Variants in DKK2 observed in about 807,000 individuals in gnomAD.
DKK2 encodes dickkopf-related protein 2.
DKK2 carries 11 observed loss-of-function variants against 28.1 expected under a neutral mutation model. The ratio of observed to expected loss-of-function variants is 0.39; its 90% confidence interval spans 0.25 to 0.65. The LOEUF (loss-of-function observed/expected upper bound fraction) is 0.65. Ranked by LOEUF, DKK2 falls within the 30% of genes least tolerant of loss-of-function variation. The pLI is 0.47. For missense variants in DKK2, 326 were observed against 335.5 expected, an observed-to-expected ratio of 0.97 and a Z score of 0.22; for synonymous variants, 135 against 126.5, an observed-to-expected ratio of 1.07 and a Z score of -0.45.
At chr4:106,970,787 T>C (rs1455662617) in intron 1 of DKK2, among the ~76,000 whole-genome samples, 1 of 152,048 alleles carries the variant, frequency 6.6e-6, no homozygotes, top group East Asian at 1.9e-4. Flanking sequence ...TTAAAACCCA[T>C]ATGGTTACCT....
At chr4:106,958,271 A>T (rs402171) in intron 1 of DKK2, among the ~76,000 whole-genome samples, 19 of 151,964 alleles carry the variant, frequency 1.3e-4, no homozygotes, top group Non-Finnish European at 2.6e-4. Flanking sequence ...TTCTAAAAGG[A>T]TTAGTCAAAA....
chr4:106,940,536 T>C (rs543915974), intron 1 of DKK2, among the ~76,000 whole-genome samples: 7 of 150,940 alleles, frequency 4.6e-5, no homozygotes, highest in African/African-American at 1.7e-4. Flanking sequence ...TCAACCATTG[T>C]GGAAGTCAGT....
At chr4:107,008,141 C>T (rs1028954834) in intron 1 of DKK2, among the ~76,000 whole-genome samples, 1 of 152,100 alleles carries the variant, frequency 6.6e-6, no homozygotes. Context: ...ATGAAGGCCA[C>T]GTAGGTGAAA....
At position 107,027,072 on chromosome 4, in the gene DKK2, C is replaced by A. The variant is rs183451652; in HGVS notation, c.222+8298G>T. Reference sequence around the variant, plus strand: ...AAAACAGAAACACCATAATAGTAAACATGCAAAAAATAACTTAGGTATAAG... The same window carrying A: ...AAAACAGAAACACCATAATAGTAAAAATGCAAAAAATAACTTAGGTATAAG... On this transcript the variant is annotated intron_variant, in intron 1 of 3. Coordinates refer to ENST00000285311, the MANE Select transcript of DKK2 (RefSeq NM_014421.3). Among the ~76,000 whole-genome samples the A allele has an allele frequency of 1.5e-3, 229 of 152,094 alleles. 1 individual carries two copies. Among genetic ancestry groups the A allele is most frequent in the Admixed American group, 3.5e-3 (54 of 15,278 alleles).
intron 1 of DKK2, among the ~76,000 whole-genome samples, chr4:106,984,428 T>C (rs1159374632): frequency 3.9e-5 from 6 of 152,324 alleles, no homozygotes; most frequent in African/African-American, 1.4e-4. Flanking sequence ...TGCTTATGAG[T>C]GGAATCATGC....
At chr4:107,033,368 C>T (rs1723905931) in intron 1 of DKK2, among the ~76,000 whole-genome samples, 1 of 152,016 alleles carries the variant, frequency 6.6e-6, no homozygotes, top group South Asian at 2.1e-4. Context: ...AGTAGACTTC[C>T]AAACTCTTTA....
chr4:106,969,939 GAGGGAC>G (rs1481109420), intron 1 of DKK2, among the ~76,000 whole-genome samples: 3 of 152,060 alleles, frequency 2.0e-5, no homozygotes, highest in African/African-American at 7.2e-5. Flanking sequence ...GGAAGTAAAA[GAGGGAC>G]TCTTAATATA....
intron 1 of DKK2, among the ~76,000 whole-genome samples, chr4:107,021,390 A>AAATATC (rs1273390583): frequency 6.6e-6 from 1 of 152,118 alleles, no homozygotes; most frequent in Non-Finnish European, 1.5e-5. Context: ...TTCTACATAA[A>AAATATC]AATATCAAAG....
chr4:106,997,680 C>A (rs1300510706), intron 1 of DKK2, among the ~76,000 whole-genome samples: 1 of 152,170 alleles, frequency 6.6e-6, no homozygotes, highest in Non-Finnish European at 1.5e-5. Context: ...TGACAAAGGT[C>A]GTGGCGACTT....
At chr4:106,979,463 TACAGG>T (rs1722995320) in intron 1 of DKK2, among the ~76,000 whole-genome samples, 1 of 149,814 alleles carries the variant, frequency 6.7e-6, no homozygotes, top group Admixed American at 6.7e-5. Flanking sequence ...TTTTTTCAAA[TACAGG>T]AAGAGTGTAG....
chr4:106,932,031 T>C (rs1578346239), intron 1 of DKK2, among the ~76,000 whole-genome samples: 1 of 152,154 alleles, frequency 6.6e-6, no homozygotes, highest in South Asian at 2.1e-4. Context: ...TGGCAAAAAA[T>C]TAATGTAAAC....
intron 1 of DKK2, among the ~76,000 whole-genome samples, chr4:106,998,768 G>GA (rs1460961427): frequency 6.6e-6 from 1 of 151,946 alleles, no homozygotes; most frequent in African/African-American, 2.4e-5. Context: ...GTTAATTATA[G>GA]AAAAAATAAA....
intron 1 of DKK2, among the ~76,000 whole-genome samples, chr4:107,025,368 G>A (rs1196401328): frequency 6.6e-6 from 1 of 152,144 alleles, no homozygotes; most frequent in Non-Finnish European, 1.5e-5. Context: ...TGATAGAATA[G>A]CACACAGCAG....
intron 1 of DKK2, among the ~76,000 whole-genome samples, chr4:107,019,432 G>A (rs964456026): frequency 5.3e-5 from 8 of 151,840 alleles, no homozygotes; most frequent in Non-Finnish European, 8.8e-5. Context: ...TGAGTACTCC[G>A]CACATAACAG....
intron 1 of DKK2, among the ~76,000 whole-genome samples, chr4:106,954,245 T>G (rs1311367370): frequency 6.6e-6 from 1 of 152,232 alleles, no homozygotes; most frequent in Non-Finnish European, 1.5e-5. Flanking sequence ...AGCTATTATC[T>G]AAAAGTTCTA....
intron 1 of DKK2, among the ~76,000 whole-genome samples, chr4:106,987,218 A>G (rs1239331836): frequency 6.6e-6 from 1 of 152,252 alleles, no homozygotes; most frequent in African/African-American, 2.4e-5. Context: ...TGTATAAAAT[A>G]TGATCTTTGA....
intron 3 of DKK2, 134 bp downstream of exon 3, chr4:106,924,411 A>T: frequency 6.1e-6 from 8 of 1,309,904 alleles, no homozygotes; most frequent in Non-Finnish European, 8.3e-6. Flanking sequence ...TGCCACCTAA[A>T]TAACAAGTTT....
chr4:106,925,114 G>T (rs1301668402), intron 2 of DKK2, among the ~76,000 whole-genome samples: 3 of 152,150 alleles, frequency 2.0e-5, no homozygotes, highest in Non-Finnish European at 4.4e-5. Flanking sequence ...AATGGTGTGA[G>T]GTCTTCTTCC....
intron 1 of DKK2, among the ~76,000 whole-genome samples, chr4:106,956,397 A>C (rs972099484): frequency 1.3e-4 from 20 of 152,222 alleles, no homozygotes; most frequent in Non-Finnish European, 2.6e-4. Flanking sequence ...ATTGGAAAAA[A>C]CTACTTTCAA....
Sources: allele counts gnomAD v4.1 joint callset (sites outside exome capture counted in the v4.1 genomes callset), GRCh38; gene constraint gnomAD v4.1.1; transcripts MANE v1.5; gene names NCBI Gene and HGNC (gene_info 2026-07-23, HGNC 2026-07-21).